KLF15: variants seen among roughly 807,000 people sequenced by gnomAD.
KLF15 encodes KLF transcription factor 15.
A neutral mutation model predicts 24.6 loss-of-function variants in KLF15; 4 were observed. The observed-to-expected ratio is 0.16, with a 90% CI of 0.08 to 0.37. The LOEUF (loss-of-function observed/expected upper bound fraction) is 0.37. Among genes scored for constraint, KLF15 ranks in the 10% least tolerant of loss-of-function variants. The probability of loss-of-function intolerance (pLI) is 1.00; values close to 1 mark genes in which losing one functional copy is unlikely to be tolerated. For synonymous variants in KLF15, 246 were observed against 236.3 expected, an observed-to-expected ratio of 1.04 and a Z score of -0.37; for missense variants, 496 against 560.6, an observed-to-expected ratio of 0.88 and a Z score of 1.16.
the KLF15 span, among the ~76,000 whole-genome samples, chr3:126,317,765 G>A: frequency 1.3e-5 from 2 of 152,224 alleles, no homozygotes; most frequent in African/African-American, 4.8e-5. Flanking sequence ...CCTCTTCCAA[G>A]TGTACTTTAC....
the KLF15 span, among the ~76,000 whole-genome samples, chr3:126,304,131 A>T: frequency 9.2e-5 from 14 of 152,168 alleles, no homozygotes; most frequent in Non-Finnish European, 2.1e-4. Flanking sequence ...TTTACTGGGT[A>T]CCAGACATTG....
chr3:126,320,654 G>A, the KLF15 span, among the ~76,000 whole-genome samples: 1 of 152,180 alleles, frequency 6.6e-6, no homozygotes, highest in Non-Finnish European at 1.5e-5. Context: ...TCCAGCAGTA[G>A]CCTAAGAAGA....
chr3:126,313,458 T>C, the KLF15 span, among the ~76,000 whole-genome samples: 4 of 152,220 alleles, frequency 2.6e-5, no homozygotes, highest in African/African-American at 9.7e-5. Context: ...TGACCCTATC[T>C]TTAAATGAGG....
At chr3:126,292,404 T>C in the KLF15 span, among the ~76,000 whole-genome samples, 2 of 152,170 alleles carry the variant, frequency 1.3e-5, no homozygotes, top group African/African-American at 2.4e-5. Context: ...CCTGCCCAGC[T>C]CCTGCTGCTC....
the KLF15 span, among the ~76,000 whole-genome samples, chr3:126,314,471 G>A: frequency 6.6e-6 from 1 of 152,186 alleles, no homozygotes; most frequent in Non-Finnish European, 1.5e-5. Flanking sequence ...ACCTCCCTAT[G>A]GCCAGTTGTG....
At chr3:126,317,012 G>T in the KLF15 span, among the ~76,000 whole-genome samples, 1 of 152,158 alleles carries the variant, frequency 6.6e-6, no homozygotes, top group African/African-American at 2.4e-5. Context: ...TTTACCAGAG[G>T]TGGAAGTCCT....
the KLF15 span, among the ~76,000 whole-genome samples, chr3:126,305,146 T>C: frequency 2.6e-5 from 4 of 152,238 alleles, no homozygotes; most frequent in African/African-American, 9.6e-5. Flanking sequence ...GGCCACACGA[T>C]GAAAGCTACA....
At chr3:126,324,788 A>ATTTTTTTTTTTTTTTTGTTTTTTTTT in the KLF15 span, among the ~76,000 whole-genome samples, 1 of 74,688 alleles carries the variant, frequency 1.3e-5, no homozygotes, top group Non-Finnish European at 2.4e-5. Context: ...TTTGCTTTTA[A>ATTTTTTTTTTTTTTTTGTTTTTTTTT]TTTTTTTTTT....
the KLF15 span, among the ~76,000 whole-genome samples, chr3:126,290,289 A>G: frequency 6.6e-6 from 1 of 152,188 alleles, no homozygotes; most frequent in African/African-American, 2.4e-5. Flanking sequence ...GCCAGCTCAC[A>G]GGGAAAGCAC....
At chr3:126,324,806 C>CTTTTTTTTTTTTT in the KLF15 span, among the ~76,000 whole-genome samples, 3 of 59,580 alleles carry the variant, frequency 5.0e-5, no homozygotes, top group East Asian at 5.3e-4. Flanking sequence ...TTTTTTCGCT[C>CTTTTTTTTTTTTT]TTTTTTTTTT....
chr3:126,335,975 A>G, the KLF15 span, among the ~76,000 whole-genome samples: 2 of 149,056 alleles, frequency 1.3e-5, no homozygotes, highest in African/African-American at 5.0e-5. Context: ...GGAAGAATCA[A>G]TATCGTGAAA....
At chr3:126,331,092 G>A in the KLF15 span, among the ~76,000 whole-genome samples, 3 of 152,130 alleles carry the variant, frequency 2.0e-5, no homozygotes, top group Non-Finnish European at 4.4e-5. Flanking sequence ...AGTGGGGAAG[G>A]AAAACATCAG....
rs1251991833 is a variant in KLF15, at chr3:126,352,339, G to A, written c.584C>T (p.Pro195Leu). 4 of 1,585,132 alleles carry A rather than the reference G, an allele frequency of 2.5e-6. No individual in the cohort carries two copies. Among genetic ancestry groups the A allele is most frequent in the Non-Finnish European group, 3.4e-6 (4 of 1,166,914 alleles). Residue 195 changes from proline (P) to leucine (L), a missense_variant, in exon 2 of 3, where the codon CCA (proline) becomes CTA (leucine). Transcript: ENST00000296233. Reference sequence around the variant, plus strand: ...ACCTCCTGCACTGGCACCACCTGGTGGAGGGGAACAGCGCTCTCTCCCGCT... The same window carrying A: ...ACCTCCTGCACTGGCACCACCTGGTAGAGGGGAACAGCGCTCTCTCCCGCT... ...GSSGRERCSP[P>L]PGGASAGGAQ...
chr3:126,353,011 C>T, intron 1 of KLF15, 64 bp from the exon 2 acceptor site: 1 of 1,494,492 alleles, frequency 6.7e-7, no homozygotes, highest in Non-Finnish European at 8.9e-7. Flanking sequence ...CCTCGCAGGC[C>T]TCTGACCCCA....
At chr3:126,347,571 T>C (rs150279504) in intron 2 of KLF15, among the ~76,000 whole-genome samples, 87 of 152,346 alleles carry the variant, frequency 5.7e-4, no homozygotes, top group African/African-American at 2.1e-3. Flanking sequence ...GGATTCTTTC[T>C]GGATGGAATG....
At chr3:126,289,979 T>C in the KLF15 span, among the ~76,000 whole-genome samples, 2 of 152,110 alleles carry the variant, frequency 1.3e-5, no homozygotes, top group South Asian at 2.1e-4. Context: ...AAAAGGAGCA[T>C]GTAGGGGAAT....
In KLF15 at chr3:126,343,382, G is replaced by T; in HGVS notation, c.*345C>A. On this transcript the variant is annotated 3_prime_UTR_variant, in exon 3 of 3. Transcript: ENST00000296233. ...AAGTTCTGGCCTTGGCCCAGGATGG[G>T]GGAGCCCAGTGGGAGAAGGGCCAGG... is the stretch of plus-strand genomic sequence containing the variant. 3.3e-6 allele frequency: 1 copy of T among 301,110 alleles called. No homozygotes were observed. Among genetic ancestry groups the T allele is most frequent in the South Asian group, 4.5e-5 (1 of 22,194 alleles). The allele number at this position is 301,110 out of a possible 1,614,324, so 18.7% of individuals were successfully genotyped here. A position where few individuals can be genotyped will look rare whatever the true frequency, so the allele number is the denominator to read the frequency against.
the KLF15 span, among the ~76,000 whole-genome samples, chr3:126,335,872 G>A: frequency 0.022 from 2,780 of 126,146 alleles, 107 homozygotes; most frequent in African/African-American, 0.069. Context: ...TACAAGGGAT[G>A]TGAAGGACCT....
Position 126,343,820 on chromosome 3 carries a change from G to A in KLF15, c.1158C>T (p.Cys386=), listed in dbSNP as rs140396451. 2.8e-5 allele frequency: 45 copies of A among 1,611,600 alleles called. No homozygotes were observed. In the African/African-American group the frequency reaches 5.9e-4, roughly 21 times the overall value. The change falls in exon 3 of 3, where the codon TGC becomes TGT. Residue 386 remains cysteine (C), a synonymous_variant. Coordinates refer to ENST00000296233, the MANE Select transcript of KLF15 (RefSeq NM_014079.4). The part of the protein sequence containing the change: ...SGVKPYQCPV[C]EKKFARSDHL... ...GGTCGCTCCGCGCGAACTTCTTCTC[G>A]CACACAGGACACTGGTACGGCTTCA...
Sources: gnomAD v4.1 joint callset for allele counts (sites outside exome capture counted in the v4.1 genomes callset) on GRCh38, gnomAD v4.1.1 for gene constraint, MANE v1.5 for transcripts, NCBI Gene and HGNC (gene_info 2026-07-23, HGNC 2026-07-21) for gene names.